WDPCP: variants seen among roughly 807,000 people sequenced by gnomAD.
WDPCP encodes the protein WD repeat-containing and planar cell polarity effector protein fritz homolog.
WDPCP carries 71 observed loss-of-function variants against 93.1 expected under a neutral mutation model. That is an observed-to-expected ratio of 0.76 (90% CI 0.63 to 0.93). WDPCP has a LOEUF of 0.93. Among genes scored for constraint, WDPCP ranks in the 40% least tolerant of loss-of-function variants. WDPCP has a pLI of 0.00. For synonymous variants in WDPCP, 315 were observed against 315.0 expected, an observed-to-expected ratio of 1.00 and a Z score of 0.00; for missense variants, 844 against 887.4, an observed-to-expected ratio of 0.95 and a Z score of 0.62.
rs1261626519 is a variant in WDPCP at position 63,499,829 on chromosome 2, G to A, written c.76-6889C>T. 4.6e-5 allele frequency among the ~76,000 whole-genome samples: 7 copies of A among 152,268 alleles called. No individual in the cohort carries two copies. In the South Asian group the frequency reaches 1.5e-3, roughly 32 times the overall value. On this transcript the variant is annotated intron_variant, in intron 1 of 17. Transcript: ENST00000272321. ...TGAACAGGCATGCCTGCATCATCAT[G>A]TGCCCAGTAAATGGGTACCAGTGCA... is the stretch of plus-strand genomic sequence containing the variant.
chr2:63,198,079 G>A (rs769496649), intron 14 of WDPCP, among the ~76,000 whole-genome samples: 15 of 152,064 alleles, frequency 9.9e-5, no homozygotes, highest in Admixed American at 1.3e-4. Flanking sequence ...ATATGGTTTC[G>A]TTTGTTTACA....
At chr2:63,557,966 A>C (rs911935770) in intron 1 of WDPCP, among the ~76,000 whole-genome samples, 1 of 152,210 alleles carries the variant, frequency 6.6e-6, no homozygotes, top group Non-Finnish European at 1.5e-5. Flanking sequence ...AAGAGAAAAC[A>C]TAACAGAATC....
intron 2 of WDPCP, among the ~76,000 whole-genome samples, chr2:63,793,902 G>C (rs1299264821): frequency 7.0e-6 from 1 of 142,862 alleles, no homozygotes; most frequent in Non-Finnish European, 1.6e-5. Flanking sequence ...GTGTGTGTGT[G>C]TGTGTGTATC....
chr2:63,760,372 A>C (rs769414784), intron 2 of WDPCP, among the ~76,000 whole-genome samples: 20 of 152,034 alleles, frequency 1.3e-4, no homozygotes, highest in Non-Finnish European at 2.8e-4. Flanking sequence ...TCTATAACAC[A>C]GAGCGTTTAC....
At chr2:63,311,321 C>G (rs1041206843) in intron 13 of WDPCP, among the ~76,000 whole-genome samples, 3 of 151,950 alleles carry the variant, frequency 2.0e-5, no homozygotes, top group African/African-American at 7.2e-5. Flanking sequence ...AGGCTATAGA[C>G]CTCTGGCTAG....
intron 2 of WDPCP, among the ~76,000 whole-genome samples, chr2:63,661,573 A>G (rs187751120): frequency 2.0e-5 from 3 of 152,386 alleles, no homozygotes; most frequent in African/African-American, 4.8e-5. Flanking sequence ...TGAACAAAAC[A>G]AAAGGATATT....
intron 2 of WDPCP, among the ~76,000 whole-genome samples, chr2:63,746,628 T>C (rs1318664314): frequency 6.6e-6 from 1 of 151,952 alleles, no homozygotes; most frequent in African/African-American, 2.4e-5. Flanking sequence ...ACCCTGGGAG[T>C]GTCTGCCTTA....
At chr2:63,589,135 C>T (rs1709090962), upstream of WDPCP, 2 of 1,613,658 alleles carry the variant, frequency 1.2e-6, 1 homozygote, top group Admixed American at 3.3e-5. Flanking sequence ...TGGGAGGCAG[C>T]TGTGCAAGGC....
intron 2 of WDPCP, chr2:63,717,806 A>T (rs1160752391): frequency 1.8e-5 from 5 of 273,100 alleles, no homozygotes; most frequent in Non-Finnish European, 3.6e-5. Flanking sequence ...CAGTGGGTAT[A>T]CTGGCACAGC....
At chr2:63,724,216 A>G (rs566233807) in intron 2 of WDPCP, among the ~76,000 whole-genome samples, 6 of 152,306 alleles carry the variant, frequency 3.9e-5, no homozygotes, top group African/African-American at 1.4e-4. Flanking sequence ...AAATATATCT[A>G]CCTTTAACAA....
chr2:63,423,486 TTA>T (rs1402197757), intron 9 of WDPCP, among the ~76,000 whole-genome samples: 3 of 152,338 alleles, frequency 2.0e-5, no homozygotes, highest in African/African-American at 4.8e-5. Flanking sequence ...TTTCATAATG[TTA>T]TGTTTCCCTG....
At chr2:63,821,341 A>C (rs774613304) in intron 1 of WDPCP, among the ~76,000 whole-genome samples, 1 of 152,186 alleles carries the variant, frequency 6.6e-6, no homozygotes, top group Non-Finnish European at 1.5e-5. Flanking sequence ...GGGCAGGACA[A>C]TCTAAATGGA....
At chr2:63,197,315 AAT>A (rs1033609379) in intron 14 of WDPCP, among the ~76,000 whole-genome samples, 1 of 152,200 alleles carries the variant, frequency 6.6e-6, no homozygotes, top group Non-Finnish European at 1.5e-5. Flanking sequence ...GATAGTATAT[AAT>A]ATAACATAAA....
intron 1 of WDPCP, among the ~76,000 whole-genome samples, chr2:63,565,990 C>G (rs759485917): frequency 1.7e-4 from 26 of 152,152 alleles, no homozygotes; most frequent in Non-Finnish European, 3.2e-4. Context: ...AGTCTCCTAA[C>G]TCATCTATAC....
intron 2 of WDPCP, among the ~76,000 whole-genome samples, chr2:63,711,237 C>G (rs1422256380): frequency 6.6e-6 from 1 of 151,940 alleles, no homozygotes; most frequent in African/African-American, 2.4e-5. Flanking sequence ...AAGGTGAAAA[C>G]AATGAGTTGA....
At chr2:63,378,097 G>A in intron 12 of WDPCP, 1 of 386,340 alleles carries the variant, frequency 2.6e-6, no homozygotes, top group Non-Finnish European at 4.8e-6. Context: ...CTTAGTGCGA[G>A]TAGCACAATT....
At chr2:63,531,575 G>C (rs1241654315) in intron 1 of WDPCP, among the ~76,000 whole-genome samples, 3 of 152,110 alleles carry the variant, frequency 2.0e-5, no homozygotes, top group South Asian at 2.1e-4. Flanking sequence ...AGGTAAACAG[G>C]GTCTGGAGTG....
intron 13 of WDPCP, among the ~76,000 whole-genome samples, chr2:63,271,715 A>G (rs764070569): frequency 4.6e-5 from 7 of 152,062 alleles, no homozygotes; most frequent in Non-Finnish European, 1.0e-4. Context: ...CAAGCACACC[A>G]TTTGAGGACG....
intron 14 of WDPCP, among the ~76,000 whole-genome samples, chr2:63,255,659 A>G (rs892465227): frequency 1.3e-5 from 2 of 152,166 alleles, no homozygotes; most frequent in African/African-American, 2.4e-5. Context: ...TGCCAGCACC[A>G]TACTTCTCAT....
Sources: allele counts gnomAD v4.1 joint callset (sites outside exome capture counted in the v4.1 genomes callset), GRCh38; gene constraint gnomAD v4.1.1; transcripts MANE v1.5; gene names NCBI Gene and HGNC (gene_info 2026-07-23, HGNC 2026-07-21).